Variants in TNR observed in about 807,000 individuals in gnomAD.
TNR encodes tenascin-R.
TNR carries 45 observed loss-of-function variants against 150.4 expected under a neutral mutation model. The observed-to-expected ratio is 0.30, with a 90% CI of 0.24 to 0.38. TNR has a LOEUF of 0.38. TNR is among the 10% of genes least tolerant of loss of function. The pLI is 1.00. For missense variants in TNR, 1,544 were observed against 1,759.1 expected (o/e 0.88, Z 2.19); for synonymous variants, 687 against 678.4 (o/e 1.01, Z -0.20).
chr1:175,681,800 G>A (rs1275693448), intron 1 of TNR, among the ~76,000 whole-genome samples: 1 of 152,154 alleles, frequency 6.6e-6, no homozygotes, highest in Non-Finnish European at 1.5e-5. Flanking sequence ...AGTGGGGTAG[G>A]GTAGAAGGAG....
intron 2 of TNR, among the ~76,000 whole-genome samples, chr1:175,446,740 T>G (rs1656067516): frequency 6.6e-6 from 1 of 152,166 alleles, no homozygotes; most frequent in African/African-American, 2.4e-5. Context: ...AAGGGACCTG[T>G]AAGTCATGGT....
chr1:175,426,526 C>T (rs184578863), intron 2 of TNR, among the ~76,000 whole-genome samples: 1 of 152,150 alleles, frequency 6.6e-6, no homozygotes, highest in Admixed American at 6.5e-5. Flanking sequence ...TTGAAAGTGA[C>T]AAGACTGACC....
chr1:175,358,892 T>A (rs1651452246), intron 15 of TNR, among the ~76,000 whole-genome samples: 1 of 152,234 alleles, frequency 6.6e-6, no homozygotes, highest in Non-Finnish European at 1.5e-5. Flanking sequence ...TGTTAGCCTG[T>A]ACTCTCTGTT....
At chr1:175,658,063 T>C (rs1457029199) in intron 1 of TNR, among the ~76,000 whole-genome samples, 1 of 151,474 alleles carries the variant, frequency 6.6e-6, no homozygotes, top group East Asian at 1.9e-4. Context: ...CTGTGTCAAG[T>C]GACAAGCCCC....
At chr1:175,591,266 G>T (rs904784162) in intron 1 of TNR, among the ~76,000 whole-genome samples, 2 of 152,176 alleles carry the variant, frequency 1.3e-5, no homozygotes, top group East Asian at 3.9e-4. Flanking sequence ...CCAGGGCTCT[G>T]TGTCCCTGGG....
At chr1:175,422,296 G>A (rs563705885) in intron 2 of TNR, among the ~76,000 whole-genome samples, 5 of 151,762 alleles carry the variant, frequency 3.3e-5, no homozygotes, top group Non-Finnish European at 7.4e-5. Context: ...GGTCCCTAGA[G>A]GGCAGAGTCT....
At chr1:175,505,004 G>A (rs1015441804) in intron 2 of TNR, among the ~76,000 whole-genome samples, 1 of 149,978 alleles carries the variant, frequency 6.7e-6, no homozygotes, top group Middle Eastern at 3.4e-3. Flanking sequence ...ACGGTCTGCC[G>A]ACACCTGGAC....
intron 2 of TNR, among the ~76,000 whole-genome samples, chr1:175,472,537 G>A (rs1454900207): frequency 6.6e-6 from 1 of 152,170 alleles, no homozygotes; most frequent in Non-Finnish European, 1.5e-5. Context: ...CTACAAACAC[G>A]TGAGTAATGC....
intron 1 of TNR, among the ~76,000 whole-genome samples, chr1:175,606,357 T>C (rs973961923): frequency 6.6e-6 from 1 of 152,040 alleles, no homozygotes; most frequent in African/African-American, 2.4e-5. Flanking sequence ...CAGAGAATAA[T>C]GTAAATAAAA....
chr1:175,362,142 T>A (rs1170425587), intron 14 of TNR, among the ~76,000 whole-genome samples: 1 of 152,126 alleles, frequency 6.6e-6, no homozygotes, highest in Non-Finnish European at 1.5e-5. Flanking sequence ...CGGAGCCACA[T>A]CACCTTCACT....
intron 2 of TNR, among the ~76,000 whole-genome samples, chr1:175,483,652 G>A (rs1657894517): frequency 6.6e-6 from 1 of 152,240 alleles, no homozygotes; most frequent in Admixed American, 6.5e-5. Flanking sequence ...AAACGAGGCT[G>A]CTATTGGATT....
At chr1:175,489,150 C>A (rs150203254) in intron 2 of TNR, among the ~76,000 whole-genome samples, 1 of 152,142 alleles carries the variant, frequency 6.6e-6, no homozygotes, top group African/African-American at 2.4e-5. Context: ...TGTGGGCAAA[C>A]GAAGCCTCCC....
At chr1:175,679,553 G>T (rs1665969128) in intron 1 of TNR, among the ~76,000 whole-genome samples, 1 of 152,210 alleles carries the variant, frequency 6.6e-6, no homozygotes, top group East Asian at 1.9e-4. Context: ...TAGCCACAAA[G>T]ATTATATCAC....
At position 175,340,268 on chromosome 1, in the gene TNR, C is replaced by G. The variant is rs932193014; in HGVS notation, c.3383-2589G>C. 6.6e-5 allele frequency among the ~76,000 whole-genome samples: 10 copies of G among 152,226 alleles called. No homozygotes were observed. The East Asian group carries it at 1.5e-3, about 24-fold the overall frequency. The stretch of plus-strand genomic sequence containing the variant: ...AGATGTGCATGAGGCAATGATGCAT[C>G]GTTGCTGGGTGCGCTTGCCTTCCCT... On this transcript the variant is annotated intron_variant, in intron 18 of 22. Coordinates refer to ENST00000367674, the MANE Select transcript of TNR (RefSeq NM_003285.3).
In TNR at chr1:175,578,624, T is replaced by G. The variant is rs564070805; in HGVS notation, c.-164-50255A>C. On this transcript the variant is annotated intron_variant, in intron 1 of 22. Transcript: ENST00000367674. ...CTCAAGGCCACAGCTCCACCTTGGG[T>G]TCACTGCCTCTGCCTAGTCTCTGGC... Among the ~76,000 whole-genome samples the G allele has an allele frequency of 2.0e-5, 3 of 152,294 alleles. No individual in the cohort carries two copies. The South Asian group carries it at 6.2e-4, about 32-fold the overall frequency.
intron 2 of TNR, among the ~76,000 whole-genome samples, chr1:175,411,035 A>G (rs743903): frequency 0.054 from 8,174 of 152,292 alleles, 309 homozygotes; most frequent in Middle Eastern, 0.17. Context: ...TATGTGCAAG[A>G]GCATGGCTTG....
intron 1 of TNR, among the ~76,000 whole-genome samples, chr1:175,725,530 C>T (rs763664160): frequency 6.6e-6 from 1 of 152,208 alleles, no homozygotes; most frequent in African/African-American, 2.4e-5. Context: ...ATGACCAAAG[C>T]TCTCAATAGT....
At chr1:175,383,992 C>T (rs1193345739) in intron 8 of TNR, among the ~76,000 whole-genome samples, 1 of 152,146 alleles carries the variant, frequency 6.6e-6, no homozygotes, top group East Asian at 1.9e-4. Context: ...TGGGGAGCTC[C>T]TAGGAGGCAG....
chr1:175,429,946 T>A (rs1342220238), intron 2 of TNR, among the ~76,000 whole-genome samples: 1 of 152,000 alleles, frequency 6.6e-6, no homozygotes, highest in East Asian at 1.9e-4. Context: ...CACAGCACAC[T>A]CGCCTGCCAA....
Sources: allele counts gnomAD v4.1 joint callset (sites outside exome capture counted in the v4.1 genomes callset), GRCh38; gene constraint gnomAD v4.1.1; transcripts MANE v1.5; gene names NCBI Gene and HGNC (gene_info 2026-07-23, HGNC 2026-07-21).